Variants in GBE1 observed in about 807,000 individuals in gnomAD.
The protein encoded by GBE1 is 1,4-alpha-glucan branching enzyme 1, also known as 1,4-alpha-glucan-branching enzyme.
Under a neutral mutation model 88.8 loss-of-function variants are expected in GBE1, and 70 were observed. The ratio of observed to expected loss-of-function variants is 0.79; its 90% confidence interval spans 0.65 to 0.96. The LOEUF is 0.96. Among genes scored for constraint, GBE1 ranks in the 40% least tolerant of loss-of-function variants. The pLI is 0.00. For missense variants in GBE1, 872 were observed against 871.0 expected, an observed-to-expected ratio of 1.00 and a Z score of -0.01; for synonymous variants, 284 against 300.1, an observed-to-expected ratio of 0.95 and a Z score of 0.56.
chr3:81,711,108 G>A (rs1263576002), intron 1 of GBE1, among the ~76,000 whole-genome samples: 1 of 152,150 alleles, frequency 6.6e-6, no homozygotes, highest in Non-Finnish European at 1.5e-5. Flanking sequence ...TCTAATTACA[G>A]AAAGGACTGT....
chr3:81,510,033 C>T (rs948255912), intron 14 of GBE1, among the ~76,000 whole-genome samples: 1 of 152,126 alleles, frequency 6.6e-6, no homozygotes, highest in East Asian at 1.9e-4. Context: ...GACATGGATA[C>T]ATGATTCCAG....
chr3:81,630,076 A>G (rs1029747771), intron 7 of GBE1, among the ~76,000 whole-genome samples: 6 of 152,246 alleles, frequency 3.9e-5, no homozygotes, highest in South Asian at 2.1e-4. Flanking sequence ...ATGGTATTCC[A>G]TGATGTATAT....
Position 81,670,925 on chromosome 3 carries a change from G to C in GBE1, c.342C>G (p.Tyr114Ter). 1 of 1,566,842 alleles carries C rather than the reference G, an allele frequency of 6.4e-7. No individual in the cohort carries two copies. Among genetic ancestry groups the C allele is most frequent in the East Asian group, 2.4e-5 (1 of 42,518 alleles). Residue 114 changes from tyrosine to a stop codon, truncating the protein, a stop_gained, in exon 3 of 16, where the codon TAC becomes TAG. Transcript: ENST00000429644. LOFTEE classifies it high-confidence loss of function. ...FNGWNPFSYP[Y>*]KKLDYGKWEL... is the part of the protein sequence containing the mutation. ...CCCATTTTCCATAATCCAGTTTTTTGTATGGGTACGAAAATGGATTCCAAC... is the reference window on the plus strand; with the variant it reads ...CCCATTTTCCATAATCCAGTTTTTTCTATGGGTACGAAAATGGATTCCAAC...
chr3:81,565,785 G>A (rs1285763895), intron 12 of GBE1, among the ~76,000 whole-genome samples: 1 of 151,866 alleles, frequency 6.6e-6, no homozygotes, highest in Non-Finnish European at 1.5e-5. Flanking sequence ...AAGAAAGCAG[G>A]AAAAACATAT....
At chr3:81,678,811 A>G (rs979389284) in intron 2 of GBE1, among the ~76,000 whole-genome samples, 1 of 152,152 alleles carries the variant, frequency 6.6e-6, no homozygotes, top group Non-Finnish European at 1.5e-5. Context: ...TAAAATATAA[A>G]TATGTGGGAA....
intron 1 of GBE1, among the ~76,000 whole-genome samples, chr3:81,750,663 A>ACG (rs1205903297): frequency 1.4e-4 from 11 of 81,348 alleles, no homozygotes; most frequent in East Asian, 1.1e-3. Flanking sequence ...ATATATGTAT[A>ACG]TATATATATA....
At chr3:81,704,260 T>G (rs1416645283) in intron 2 of GBE1, among the ~76,000 whole-genome samples, 1 of 152,084 alleles carries the variant, frequency 6.6e-6, no homozygotes, top group African/African-American at 2.4e-5. Context: ...TGCATTTTAT[T>G]TCTGTTGGAC....
chr3:81,624,409 C>A (rs971860863), intron 7 of GBE1, among the ~76,000 whole-genome samples: 2 of 152,164 alleles, frequency 1.3e-5, no homozygotes, highest in African/African-American at 4.8e-5. Context: ...ACTTAGGCAT[C>A]AACATTTGTT....
chr3:81,676,611 T>C (rs1167578004), intron 2 of GBE1, among the ~76,000 whole-genome samples: 1 of 152,098 alleles, frequency 6.6e-6, no homozygotes, highest in Non-Finnish European at 1.5e-5. Context: ...TTTACAATAA[T>C]TAATTTTTTT....
chr3:81,637,154 T>C (rs1179663404), intron 7 of GBE1, among the ~76,000 whole-genome samples: 1 of 152,156 alleles, frequency 6.6e-6, no homozygotes, highest in Non-Finnish European at 1.5e-5. Context: ...TAATAAAATT[T>C]ATGTGAATGT....
At chr3:81,650,082 T>C (rs1241506114) in intron 3 of GBE1, 161 bp from the exon 4 acceptor site, 4 of 531,540 alleles carry the variant, frequency 7.5e-6, no homozygotes, top group Non-Finnish European at 9.9e-6. Context: ...TCTATCAATG[T>C]TGGTTTTCTC....
intron 14 of GBE1, among the ~76,000 whole-genome samples, chr3:81,507,392 G>A (rs1317870688): frequency 1.3e-5 from 2 of 151,928 alleles, no homozygotes; most frequent in South Asian, 4.1e-4. Context: ...GTGAAACCCT[G>A]TCTCTACTAA....
intron 7 of GBE1, among the ~76,000 whole-genome samples, chr3:81,608,800 AG>A (rs1704135190): frequency 2.0e-5 from 3 of 152,176 alleles, no homozygotes; most frequent in Admixed American, 2.0e-4. Flanking sequence ...CACTTTTGGT[AG>A]GGTAGAGGGT....
At chr3:81,694,426 G>A (rs879510290) in intron 2 of GBE1, among the ~76,000 whole-genome samples, 1 of 152,128 alleles carries the variant, frequency 6.6e-6, no homozygotes, top group African/African-American at 2.4e-5. Flanking sequence ...ATGTTCTTTT[G>A]ACACAGCTGC....
At position 81,745,927 on chromosome 3, in the gene GBE1, T is replaced by C. The variant is rs188779334; in HGVS notation, c.143+15448A>G. 1.4e-3 allele frequency among the ~76,000 whole-genome samples: 208 copies of C among 152,256 alleles called. 2 individuals are homozygous for C. The highest frequency in any genetic ancestry group is 2.4e-3 in the Non-Finnish European group (165 of 68,004). ...TATGATTTCTAATATATTTATAAGA[T>C]AATGAACCCTGATAAATATCAAAGA... is the stretch of plus-strand genomic sequence containing the variant. On this transcript the variant is annotated intron_variant, in intron 1 of 15. Transcript: ENST00000429644.
rs1175147821 is a variant in GBE1, at chr3:81,660,146, A to T, written c.430-10225T>A. ...ATGACTATCAGTAAGAAGTAGCACT[A>T]GATATGCATTTGGATAATTTCTTGT... On this transcript the variant is annotated intron_variant, in intron 3 of 15. Coordinates refer to ENST00000429644, the MANE Select transcript of GBE1 (RefSeq NM_000158.4). Among the ~76,000 whole-genome samples the T allele has an allele frequency of 2.0e-5, 3 of 152,352 alleles. No homozygotes were observed. The East Asian group carries it at 5.8e-4, about 29-fold the overall frequency.
intron 14 of GBE1, among the ~76,000 whole-genome samples, chr3:81,532,581 A>T (rs115496522): frequency 6.6e-6 from 1 of 152,050 alleles, no homozygotes; most frequent in Non-Finnish European, 1.5e-5. Context: ...CTCTTTCCTC[A>T]TGAAAGCTCC....
At chr3:81,524,860 C>A (rs1343472712) in intron 14 of GBE1, among the ~76,000 whole-genome samples, 2 of 151,764 alleles carry the variant, frequency 1.3e-5, no homozygotes, top group South Asian at 2.1e-4. Flanking sequence ...CAGTTTTGTT[C>A]TTTTTGTGCA....
chr3:81,590,899 G>T, intron 9 of GBE1, 138 bp downstream of exon 9: 1 of 608,652 alleles, frequency 1.6e-6, no homozygotes. Flanking sequence ...ACCCATACAA[G>T]ATAGCTGCAC....
Sources: allele counts gnomAD v4.1 joint callset (sites outside exome capture counted in the v4.1 genomes callset), GRCh38; gene constraint gnomAD v4.1.1; transcripts MANE v1.5; gene names NCBI Gene and HGNC (gene_info 2026-07-23, HGNC 2026-07-21).